The following CCDC91 variants were observed in gnomAD, a reference collection of about 807,000 sequenced individuals.
The protein encoded by CCDC91 is coiled-coil domain-containing protein 91.
CCDC91 carries 48 observed loss-of-function variants against 63.2 expected under a neutral mutation model. That is an observed-to-expected ratio of 0.76 (90% CI 0.60 to 0.97). The LOEUF is 0.97. CCDC91 is among the 50% of genes least tolerant of loss of function. The pLI is 0.00. For missense variants in CCDC91, 500 were observed against 494.6 expected (o/e 1.01, Z -0.10); for synonymous variants, 167 against 165.8 (o/e 1.01, Z -0.06).
At chr12:28,329,419 A>G (rs1170130708) in intron 6 of CCDC91, among the ~76,000 whole-genome samples, 1 of 152,134 alleles carries the variant, frequency 6.6e-6, no homozygotes, top group Non-Finnish European at 1.5e-5. Context: ...TCATAGGTGA[A>G]ACTGTTTTTC....
At chr12:28,202,092 A>G (rs905786880) in intron 1 of CCDC91, among the ~76,000 whole-genome samples, 1 of 151,750 alleles carries the variant, frequency 6.6e-6, no homozygotes, top group African/African-American at 2.4e-5. Context: ...TAATTCCACA[A>G]TGTTTGTTTC....
chr12:28,206,095 G>A (rs903461607), intron 1 of CCDC91, among the ~76,000 whole-genome samples: 3 of 152,276 alleles, frequency 2.0e-5, no homozygotes, highest in Non-Finnish European at 4.4e-5. Flanking sequence ...TCTCCTGTAG[G>A]ATCTATGTGT....
chr12:28,391,380 C>G lies in CCDC91; in HGVS notation c.731C>G (p.Ala244Gly). Residue 244 changes from alanine to glycine, a missense_variant, in exon 8 of 13, where the codon GCA becomes GGA. Transcript: ENST00000536442. The stretch of plus-strand genomic sequence containing the variant: ...TACATTTCTGCAATTGAGAAACAGG[C>G]ACACAAGTGTGAGGAGTTGCTAAAT... ...KQYISAIEKQ[A>G]HKCEELLNAQ... 1.2e-6 allele frequency: 2 copies of G among 1,611,846 alleles called. No homozygotes were observed. The highest frequency in any genetic ancestry group is 2.7e-5 in the African/African-American group (2 of 75,008).
At chr12:28,241,696 C>T (rs566481173) in intron 1 of CCDC91, among the ~76,000 whole-genome samples, 1 of 152,152 alleles carries the variant, frequency 6.6e-6, no homozygotes, top group African/African-American at 2.4e-5. Flanking sequence ...AGGAATTTCT[C>T]AAAGTATACC....
At chr12:28,364,387 CA>C (rs568369675) in intron 7 of CCDC91, among the ~76,000 whole-genome samples, 1 of 147,456 alleles carries the variant, frequency 6.8e-6, no homozygotes, top group African/African-American at 2.5e-5. Context: ...GACTCCGTCT[CA>C]AAAAAAAACA....
chr12:28,361,186 T>C (rs1000781018), intron 6 of CCDC91, among the ~76,000 whole-genome samples: 1 of 151,648 alleles, frequency 6.6e-6, no homozygotes, highest in African/African-American at 2.4e-5. Context: ...TTTTATTATT[T>C]TATTATTATT....
intron 11 of CCDC91, among the ~76,000 whole-genome samples, chr12:28,476,202 A>G (rs1592781794): frequency 1.3e-5 from 2 of 152,138 alleles, no homozygotes; most frequent in East Asian, 3.8e-4. Flanking sequence ...ACTTACTCCA[A>G]AATTGACCAC....
intron 6 of CCDC91, among the ~76,000 whole-genome samples, chr12:28,341,528 A>G (rs1413976398): frequency 1.3e-5 from 2 of 152,214 alleles, no homozygotes; most frequent in East Asian, 3.8e-4. Context: ...AGTAACATTG[A>G]TTTCATTAAC....
intron 7 of CCDC91, among the ~76,000 whole-genome samples, chr12:28,374,661 A>T (rs1358278850): frequency 6.6e-6 from 1 of 152,156 alleles, no homozygotes; most frequent in African/African-American, 2.4e-5. Context: ...TTTCTGATTT[A>T]AAAATAACAG....
chr12:28,333,562 C>T (rs1941685719), intron 6 of CCDC91, among the ~76,000 whole-genome samples: 1 of 152,090 alleles, frequency 6.6e-6, no homozygotes, highest in African/African-American at 2.4e-5. Flanking sequence ...TATAGATTGA[C>T]TCCATCTGGG....
At chr12:28,406,089 TC>T (rs1368551418) in intron 8 of CCDC91, among the ~76,000 whole-genome samples, 1 of 152,132 alleles carries the variant, frequency 6.6e-6, no homozygotes, top group African/African-American at 2.4e-5. Context: ...CATTATTTTT[TC>T]CTCAATTTTT....
At chr12:28,445,801 CAGAG>C (rs1265448274) in intron 8 of CCDC91, among the ~76,000 whole-genome samples, 3 of 152,128 alleles carry the variant, frequency 2.0e-5, no homozygotes, top group Non-Finnish European at 4.4e-5. Flanking sequence ...TGTGCTCACA[CAGAG>C]AGAATACGCG....
At chr12:28,278,002 G>A (rs1433797113) in intron 3 of CCDC91, among the ~76,000 whole-genome samples, 4 of 151,888 alleles carry the variant, frequency 2.6e-5, no homozygotes, top group Non-Finnish European at 5.9e-5. Flanking sequence ...CTGGTTCTTT[G>A]TTCTGGTTGT....
In CCDC91 at chr12:28,535,772, T is replaced by C. The variant is rs1565538346; in HGVS notation, c.1216-13291T>C. 2.0e-5 allele frequency among the ~76,000 whole-genome samples: 3 copies of C among 152,296 alleles called. No individual in the cohort carries two copies. The South Asian group carries it at 6.2e-4, about 32-fold the overall frequency. ...CGGGCCTGGTGCGGTATCATGCCTG[T>C]AATCCCAGCACTTTGGGAGGCCAAG... On this transcript the variant is annotated intron_variant, in intron 12 of 12. Transcript: ENST00000536442.
intron 6 of CCDC91, among the ~76,000 whole-genome samples, chr12:28,329,621 AT>A (rs911304532): frequency 7.3e-5 from 11 of 151,054 alleles, no homozygotes; most frequent in South Asian, 4.2e-4. Context: ...AAGGATTATT[AT>A]TTTTTTTATT....
At chr12:28,468,998 A>G (rs1231599712) in intron 11 of CCDC91, among the ~76,000 whole-genome samples, 1 of 152,074 alleles carries the variant, frequency 6.6e-6, no homozygotes, top group Non-Finnish European at 1.5e-5. Context: ...ATGGGGAAAA[A>G]CTGAAAGCCT....
chr12:28,407,013 T>A (rs1402406725), intron 8 of CCDC91, among the ~76,000 whole-genome samples: 1 of 152,128 alleles, frequency 6.6e-6, no homozygotes, highest in Non-Finnish European at 1.5e-5. Context: ...TCATGAATGA[T>A]TTAGTACCAT....
intron 12 of CCDC91, among the ~76,000 whole-genome samples, chr12:28,490,821 C>G (rs1248502793): frequency 2.0e-5 from 3 of 151,744 alleles, no homozygotes; most frequent in Non-Finnish European, 4.4e-5. Context: ...TCTTGATGGT[C>G]TGTCTTGTTT....
chr12:28,375,898 A>G (rs751405644), intron 7 of CCDC91, among the ~76,000 whole-genome samples: 38 of 152,034 alleles, frequency 2.5e-4, no homozygotes, highest in Admixed American at 8.5e-4. Flanking sequence ...TATTTTTGAG[A>G]TAATGAGGAA....
Sources: allele counts gnomAD v4.1 joint callset (sites outside exome capture counted in the v4.1 genomes callset), GRCh38; gene constraint gnomAD v4.1.1; transcripts MANE v1.5; gene names NCBI Gene and HGNC (gene_info 2026-07-23, HGNC 2026-07-21).